Variants in SNX13 observed in about 807,000 individuals in gnomAD.
SNX13 encodes the protein sorting nexin 13.
In SNX13, 45 loss-of-function variants were observed where a neutral mutation model predicts 133.6. The ratio of observed to expected loss-of-function variants is 0.34; its 90% confidence interval spans 0.27 to 0.43. The LOEUF is 0.43. Ranked by LOEUF, SNX13 falls within the 20% of genes least tolerant of loss-of-function variation. The pLI is 1.00. For missense variants in SNX13, 1,032 were observed against 1,145.1 expected (o/e 0.90, Z 1.43); for synonymous variants, 414 against 373.9 (o/e 1.11, Z -1.24).
chr7:17,795,977 G>A (rs1331270608), intron 25 of SNX13: 1 of 151,494 alleles, frequency 6.6e-6, no homozygotes, highest in African/African-American at 2.4e-5. Flanking sequence ...ATACAGGTAA[G>A]AAAACAAAAT....
At chr7:17,797,022 A>G in intron 24 of SNX13, 83 bp from the exon 25 acceptor site, 1 of 1,059,628 alleles carries the variant, frequency 9.4e-7, no homozygotes, top group East Asian at 2.4e-5. Context: ...AAATTTCTAC[A>G]GAAAATACAA....
At chr7:17,812,411 G>A (rs1004423506) in intron 20 of SNX13, among the ~76,000 whole-genome samples, 5 of 152,136 alleles carry the variant, frequency 3.3e-5, no homozygotes, top group African/African-American at 1.2e-4. Context: ...AACATCACTG[G>A]TCATTAGAGA....
chr7:17,820,437 T>A (rs1474600009), intron 18 of SNX13, among the ~76,000 whole-genome samples: 1 of 152,062 alleles, frequency 6.6e-6, no homozygotes, highest in Non-Finnish European at 1.5e-5. Context: ...TGCAAACAAA[T>A]CAAGCTAAAC....
At chr7:17,818,124 C>G (rs945761673) in intron 18 of SNX13, among the ~76,000 whole-genome samples, 3 of 152,154 alleles carry the variant, frequency 2.0e-5, no homozygotes, top group Admixed American at 6.5e-5. Flanking sequence ...ACCCTACCAT[C>G]TACAAGCCAA....
At chr7:17,851,806 G>C (rs1791247595) in intron 9 of SNX13, among the ~76,000 whole-genome samples, 1 of 152,014 alleles carries the variant, frequency 6.6e-6, no homozygotes, top group Non-Finnish European at 1.5e-5. Context: ...TATAAAAATG[G>C]CCATTAGTAT....
chr7:17,825,861 A>T (rs1005251274), intron 17 of SNX13, among the ~76,000 whole-genome samples, 161 bp downstream of exon 17: 7 of 152,192 alleles, frequency 4.6e-5, no homozygotes, highest in African/African-American at 1.7e-4. Flanking sequence ...ATAAGCAAAT[A>T]AATATAGCAG....
intron 5 of SNX13, among the ~76,000 whole-genome samples, chr7:17,885,204 G>A (rs1395713694): frequency 1.4e-5 from 2 of 145,300 alleles, no homozygotes; most frequent in Non-Finnish European, 3.0e-5. Context: ...AATGAACCTT[G>A]AAAACATAAT....
intron 9 of SNX13, among the ~76,000 whole-genome samples, chr7:17,861,359 C>T (rs1223680923): frequency 6.6e-6 from 1 of 151,550 alleles, no homozygotes; most frequent in East Asian, 1.9e-4. Context: ...CACACACACA[C>T]ACACACACAC....
At chr7:17,897,260 G>A (rs879347937) in intron 2 of SNX13, 74 bp downstream of exon 2, 13 of 786,830 alleles carry the variant, frequency 1.7e-5, no homozygotes, top group Middle Eastern at 2.5e-4. Flanking sequence ...TCATACTCCC[G>A]TTTCTCAGTC....
chr7:17,919,936 G>A (rs1439648506), intron 1 of SNX13, among the ~76,000 whole-genome samples: 1 of 152,010 alleles, frequency 6.6e-6, no homozygotes, highest in Non-Finnish European at 1.5e-5. Flanking sequence ...TTCAAAACCA[G>A]CCTAGGCAAC....
intron 13 of SNX13, among the ~76,000 whole-genome samples, chr7:17,837,385 C>T (rs1395316496): frequency 6.6e-6 from 1 of 152,024 alleles, no homozygotes; most frequent in Non-Finnish European, 1.5e-5. Context: ...AGGAATCCTC[C>T]CACCTTGGGC....
chr7:17,818,464 C>T (rs1786921972), intron 18 of SNX13, among the ~76,000 whole-genome samples: 1 of 152,150 alleles, frequency 6.6e-6, no homozygotes, highest in Non-Finnish European at 1.5e-5. Flanking sequence ...TAACAGTTTT[C>T]TCAAACTATA....
chr7:17,797,885 G>C (rs1359596038), intron 24 of SNX13, among the ~76,000 whole-genome samples: 1 of 151,830 alleles, frequency 6.6e-6, no homozygotes, highest in East Asian at 1.9e-4. Flanking sequence ...TGTAGCCTGA[G>C]AGCCTATTCA....
At chr7:17,915,234 G>A (rs572497653) in intron 1 of SNX13, among the ~76,000 whole-genome samples, 8 of 152,062 alleles carry the variant, frequency 5.3e-5, no homozygotes, top group Non-Finnish European at 8.8e-5. Context: ...TACTGTTAGG[G>A]ACAAGCTGCC....
At chr7:17,930,318 T>C (rs757741906) in intron 1 of SNX13, among the ~76,000 whole-genome samples, 23 of 152,282 alleles carry the variant, frequency 1.5e-4, no homozygotes, top group Admixed American at 1.1e-3. Flanking sequence ...CGAGAAAACT[T>C]AGATTCAAAT....
intron 1 of SNX13, among the ~76,000 whole-genome samples, chr7:17,908,321 TC>T (rs1473486107): frequency 6.6e-6 from 1 of 152,164 alleles, no homozygotes; most frequent in African/African-American, 2.4e-5. Flanking sequence ...TTACTGCTTC[TC>T]CCTGTATTCC....
intron 1 of SNX13, among the ~76,000 whole-genome samples, chr7:17,918,071 T>C (rs932612782): frequency 1.1e-4 from 16 of 152,098 alleles, no homozygotes; most frequent in South Asian, 2.1e-4. Context: ...TCCTAGTCAA[T>C]AAACAGTGCT....
intron 1 of SNX13, among the ~76,000 whole-genome samples, chr7:17,901,881 T>A (rs1187278770): frequency 6.6e-6 from 1 of 152,206 alleles, no homozygotes; most frequent in Non-Finnish European, 1.5e-5. Context: ...TATTTGGCCA[T>A]CCTGCTCTGC....
intron 10 of SNX13, 42 bp downstream of exon 10, chr7:17,850,784 A>G (rs1167497073): frequency 7.3e-7 from 1 of 1,370,974 alleles, no homozygotes; most frequent in Non-Finnish European, 9.5e-7. Flanking sequence ...AGATAAAATA[A>G]TACTTCAAAA....
Sources: gnomAD v4.1 joint callset for allele counts (sites outside exome capture counted in the v4.1 genomes callset) on GRCh38, gnomAD v4.1.1 for gene constraint, MANE v1.5 for transcripts, NCBI Gene and HGNC (gene_info 2026-07-23, HGNC 2026-07-21) for gene names.